Variants in ANO3 observed in about 807,000 individuals in gnomAD.
ANO3 encodes the protein anoctamin 3, also known as anoctamin-3.
In ANO3, 99 loss-of-function variants were observed where a neutral mutation model predicts 144.8. The ratio of observed to expected loss-of-function variants is 0.68; its 90% confidence interval spans 0.58 to 0.81. ANO3 has a LOEUF of 0.81. ANO3 is among the 30% of genes least tolerant of loss of function. The pLI, the probability that ANO3 is intolerant of heterozygous loss-of-function variation, is 0.00. For synonymous variants in ANO3, 414 were observed against 392.6 expected, an observed-to-expected ratio of 1.05 and a Z score of -0.64; for missense variants, 905 against 1,202.2, an observed-to-expected ratio of 0.75 and a Z score of 3.66.
At chr11:26,446,398 T>G (rs369117613) in intron 3 of ANO3, among the ~76,000 whole-genome samples, 1 of 152,320 alleles carries the variant, frequency 6.6e-6, no homozygotes, top group East Asian at 1.9e-4. Flanking sequence ...TTAATGGCTT[T>G]TTTACAGTTA....
Position 26,531,306 on chromosome 11 carries a change from C to A in ANO3, c.839C>A (p.Thr280Asn). The A allele has an allele frequency of 6.2e-7, 1 of 1,613,750 alleles. No individual in the cohort carries two copies. The highest frequency in any genetic ancestry group is 8.5e-7 in the Non-Finnish European group (1 of 1,179,846). The change falls in exon 8 of 27, where the codon ACT (threonine) becomes AAT (asparagine). Residue 280 changes from threonine to asparagine, a missense_variant. By Grantham distance (65) the Thr-to-Asn change is moderately conservative (BLOSUM62 0). Coordinates refer to ENST00000256737, the MANE Select transcript of ANO3 (RefSeq NM_031418.4). ...GACCTAGAGGAGTCAGACTGCTATA[C>A]TGGCCCCTTCAGCCGTGCACGGATT... ...FPDLEESDCY[T>N]GPFSRARIHH...
chr11:26,231,191 T>G (rs956735722), intron 1 of ANO3, among the ~76,000 whole-genome samples: 3 of 152,182 alleles, frequency 2.0e-5, no homozygotes, highest in African/African-American at 4.8e-5. Flanking sequence ...GTTTCCTTTT[T>G]GTATTCCTCT....
chr11:26,601,369 A>T (rs970134882), intron 17 of ANO3, among the ~76,000 whole-genome samples: 2 of 152,234 alleles, frequency 1.3e-5, no homozygotes, highest in Admixed American at 1.3e-4. Context: ...AGTCACAGTT[A>T]TAAATGAGTA....
At chr11:26,594,988 G>A (rs1382569283) in intron 14 of ANO3, among the ~76,000 whole-genome samples, 1 of 152,068 alleles carries the variant, frequency 6.6e-6, no homozygotes, top group Non-Finnish European at 1.5e-5. Context: ...GGTCAAATTG[G>A]TCCCAATTCT....
intron 8 of ANO3, 146 bp from the exon 9 acceptor site, chr11:26,534,309 CT>C: frequency 1.8e-6 from 1 of 542,044 alleles, no homozygotes; most frequent in Non-Finnish European, 3.4e-6. Flanking sequence ...TTTATGAATT[CT>C]TTTTCTCTGT....
chr11:26,198,678 T>C (rs1048913427), intron 1 of ANO3, among the ~76,000 whole-genome samples: 18 of 152,176 alleles, frequency 1.2e-4, no homozygotes, highest in Admixed American at 1.2e-3. Context: ...CTTTCCAGTA[T>C]GAATATTCTA....
At position 26,462,653 on chromosome 11, in the gene ANO3, T is replaced by G. The variant is rs546519102; in HGVS notation, c.314-377T>G. Among the ~76,000 whole-genome samples, 7 of 152,030 alleles carry G rather than the reference T, an allele frequency of 4.6e-5. No homozygotes were observed. The East Asian group carries it at 1.4e-3, about 30-fold the overall frequency. The stretch of plus-strand genomic sequence containing the variant: ...CTCTCAAGATCAATGCAGTTTTTAA[T>G]TAAGCAAATAAATGCTTGTACAGTT... On this transcript the variant is annotated intron_variant, in intron 3 of 26. Coordinates refer to ENST00000256737, the MANE Select transcript of ANO3 (RefSeq NM_031418.4).
intron 20 of ANO3, among the ~76,000 whole-genome samples, chr11:26,637,050 C>T (rs1852984390): frequency 1.3e-5 from 2 of 152,136 alleles, no homozygotes; most frequent in African/African-American, 4.8e-5. Flanking sequence ...CTCACTCATG[C>T]CCTTTTACAC....
In ANO3 at chr11:26,406,676, A is replaced by AGTGTGTGT. The variant is rs72102663; in HGVS notation, c.47-35200_47-35193dup. 8.6e-4 allele frequency among the ~76,000 whole-genome samples: 103 copies of AGTGTGTGT among 119,340 alleles called. 1 individual carries two copies. The highest frequency in any genetic ancestry group is 6.7e-4 in the Non-Finnish European group (38 of 56,934). The allele number at this position is 119,340 out of a possible 152,430, so 78.3% of individuals were successfully genotyped here. On this transcript the variant is annotated intron_variant, in intron 1 of 26. Coordinates refer to ENST00000256737, the MANE Select transcript of ANO3 (RefSeq NM_031418.4). Reference sequence around the variant, plus strand: ...TGAAAGGGGTCCAATAATCTATGGCAGTGTGTGTGTGTGTGTGTGTGTGTG... The same window carrying AGTGTGTGT: ...TGAAAGGGGTCCAATAATCTATGGCAGTGTGTGTGTGTGTGTGTGTGTGTGTGTGTGTG...
chr11:26,367,882 C>A (rs1856137622), intron 1 of ANO3, among the ~76,000 whole-genome samples: 1 of 152,154 alleles, frequency 6.6e-6, no homozygotes, highest in Non-Finnish European at 1.5e-5. Context: ...AAGCACCACA[C>A]TTTACAACAA....
intron 4 of ANO3, 124 bp downstream of exon 4, chr11:26,463,272 T>C: frequency 2.0e-6 from 1 of 489,388 alleles, no homozygotes; most frequent in Non-Finnish European, 3.6e-6. Flanking sequence ...TAATATGTAC[T>C]ATTAAGAACT....
chr11:26,422,753 C>A (rs1267431974), intron 1 of ANO3, among the ~76,000 whole-genome samples: 3 of 151,862 alleles, frequency 2.0e-5, no homozygotes, highest in African/African-American at 4.8e-5. Flanking sequence ...AGGAAAAAAA[C>A]TGAATATGCT....
chr11:26,299,153 G>T (rs1001948306), intron 1 of ANO3, among the ~76,000 whole-genome samples: 7 of 152,264 alleles, frequency 4.6e-5, no homozygotes, highest in African/African-American at 1.7e-4. Flanking sequence ...AAGTTAAAAG[G>T]TTAAGAAAAA....
chr11:26,541,809 C>T, intron 10 of ANO3, 138 bp from the exon 11 acceptor site: 1 of 660,980 alleles, frequency 1.5e-6, no homozygotes, highest in Non-Finnish European at 2.3e-6. Flanking sequence ...CACATCATTC[C>T]AGCGATGGGC....
intron 1 of ANO3, among the ~76,000 whole-genome samples, chr11:26,410,717 A>G (rs547918583): frequency 6.6e-6 from 1 of 152,122 alleles, no homozygotes. Flanking sequence ...GGGAACCTTA[A>G]GAAGGCAGAT....
chr11:26,330,742 G>T (rs1855017117), upstream of ANO3, among the ~76,000 whole-genome samples: 1 of 152,182 alleles, frequency 6.6e-6, no homozygotes, highest in South Asian at 2.1e-4. Context: ...AATAATTGGA[G>T]CATCTGTTTG....
chr11:26,570,454 A>T (rs71480126), intron 14 of ANO3, among the ~76,000 whole-genome samples: 19,279 of 152,132 alleles, frequency 0.13, 1,495 homozygotes, highest in Non-Finnish European at 0.16. Context: ...TTTTATACCA[A>T]GCTTTGGAAA....
At position 26,402,897 on chromosome 11, in the gene ANO3, C is replaced by A. The variant is rs140311057; in HGVS notation, c.47-39021C>A. Among the ~76,000 whole-genome samples the A allele has an allele frequency of 8.6e-5, 13 of 152,006 alleles. No individual in the cohort carries two copies. The East Asian group carries it at 1.9e-3, about 23-fold the overall frequency. On this transcript the variant is annotated intron_variant, in intron 1 of 26. Transcript: ENST00000256737. ...ACAGTGAGGAACGTTTCTTTTCTTGCAACTCTTAATTAGGGTTCCTTCAGA... is the reference window on the plus strand; with the variant it reads ...ACAGTGAGGAACGTTTCTTTTCTTGAAACTCTTAATTAGGGTTCCTTCAGA...
intron 14 of ANO3, among the ~76,000 whole-genome samples, chr11:26,570,325 A>C (rs117650702): frequency 2.0e-5 from 3 of 152,012 alleles, no homozygotes; most frequent in African/African-American, 7.2e-5. Flanking sequence ...AAAACAAAAA[A>C]CACCTCTGGC....
Sources: allele counts gnomAD v4.1 joint callset (sites outside exome capture counted in the v4.1 genomes callset), GRCh38; gene constraint gnomAD v4.1.1; transcripts MANE v1.5; gene names NCBI Gene and HGNC (gene_info 2026-07-23, HGNC 2026-07-21).